PASD1: variants seen among roughly 807,000 people sequenced by gnomAD.
PASD1 encodes the protein circadian clock protein PASD1.
PASD1 carries 13 observed loss-of-function variants against 58.8 expected under a neutral mutation model. The observed-to-expected ratio is 0.22, with a 90% CI of 0.14 to 0.35. The LOEUF is 0.35. PASD1 is among the 10% of genes least tolerant of loss of function. The pLI is 1.00. For synonymous variants in PASD1, 236 were observed against 216.7 expected (o/e 1.09, Z -0.78); for missense variants, 734 against 568.3 (o/e 1.29, Z -2.96).
rs1329713131 is a variant in PASD1, at chrX:151,623,136, G to C, written c.546+72G>C. On this transcript the variant is annotated intron_variant, in intron 7 of 15. Transcript: ENST00000370357. ...TCCTTTGAAGGGTCACTTCCCCTTT[G>C]GTCTGTCAGCCACTGGACAACATTG... 8 of 1,119,723 alleles carry C rather than the reference G, an allele frequency of 7.1e-6. No individual in the cohort carries two copies. The East Asian group carries it at 2.4e-4, about 34-fold the overall frequency. The allele number at this position is 1,119,723 out of a possible 1,213,427, so 92.3% of individuals were successfully genotyped here. A position where few individuals can be genotyped will look rare whatever the true frequency, so the allele number is the denominator to read the frequency against.
chrX:151,654,834 G>T (rs1251519839), intron 9 of PASD1, among the ~76,000 whole-genome samples: 1 of 110,716 alleles, frequency 9.0e-6, no homozygotes, highest in East Asian at 2.9e-4. Flanking sequence ...GTATTTCTTT[G>T]TTTTGATTTT....
chrX:151,600,084 G>A (rs990329686), intron 1 of PASD1, among the ~76,000 whole-genome samples: 9 of 112,259 alleles, frequency 8.0e-5, no homozygotes, highest in South Asian at 3.7e-4. Flanking sequence ...CCAACAAGGC[G>A]AAACCCCGTC....
chrX:151,596,667 C>CCTTGCTGGACTATTTTATTT (rs1222819397), intron 1 of PASD1, among the ~76,000 whole-genome samples: 2 of 112,219 alleles, frequency 1.8e-5, no homozygotes, highest in African/African-American at 6.5e-5. Flanking sequence ...TACACAGCAA[C>CCTTGCTGGACTATTTTATTT]CTTGCTGGAC....
intron 11 of PASD1, among the ~76,000 whole-genome samples, chrX:151,669,487 T>C (rs755998121): frequency 9.0e-6 from 1 of 110,908 alleles, no homozygotes; most frequent in African/African-American, 3.3e-5. Flanking sequence ...TACTAGAACT[T>C]GTTCCTAACG....
intron 8 of PASD1, among the ~76,000 whole-genome samples, chrX:151,628,221 T>TA (rs1196482657): frequency 9.0e-6 from 1 of 111,661 alleles, no homozygotes. Context: ...TAGATCCCAT[T>TA]TGTCAATTTT....
At chrX:151,648,557 T>G in intron 8 of PASD1, 58 bp from the exon 9 acceptor site, 2 of 1,081,715 alleles carry the variant, frequency 1.8e-6, no homozygotes, top group Non-Finnish European at 2.5e-6. Context: ...TGATAGAAAA[T>G]TTTGATTTAA....
Position 151,659,839 on chromosome X carries a change from A to G in PASD1, c.841+3A>G, listed in dbSNP as rs1290022105. The G allele has an allele frequency of 8.3e-7, 1 of 1,201,318 alleles. No homozygotes were observed. Among genetic ancestry groups the G allele is most frequent in the Non-Finnish European group, 1.1e-6 (1 of 889,996 alleles). On this transcript the variant is annotated splice_donor_region_variant and intron_variant, in intron 10 of 15. Transcript: ENST00000370357. ...GGATACTATGCCTGAATCTCCAGGTAGGTACATTTATGCATTTGGATAGGG... is the reference window on the plus strand; with the variant it reads ...GGATACTATGCCTGAATCTCCAGGTGGGTACATTTATGCATTTGGATAGGG...
chrX:151,568,170 T>A (rs1339567001), intron 1 of PASD1, among the ~76,000 whole-genome samples: 1 of 112,627 alleles, frequency 8.9e-6, no homozygotes, highest in Non-Finnish European at 1.9e-5. Context: ...TTAAATTGAC[T>A]TCCAAATGTT....
At chrX:151,599,554 G>A (rs1291099056) in intron 1 of PASD1, among the ~76,000 whole-genome samples, 11 of 110,449 alleles carry the variant, frequency 1.0e-4, no homozygotes, top group South Asian at 3.9e-4. Flanking sequence ...CAGACGGGGC[G>A]GCCGGTCAGA....
chrX:151,564,994 G>C (rs1050094286), intron 1 of PASD1, among the ~76,000 whole-genome samples: 3 of 111,954 alleles, frequency 2.7e-5, no homozygotes, highest in Non-Finnish European at 5.6e-5. Flanking sequence ...ATCTACCCTG[G>C]ATTATGTAAT....
intron 1 of PASD1, among the ~76,000 whole-genome samples, chrX:151,585,753 A>G (rs986681893): frequency 1.8e-5 from 2 of 111,684 alleles, no homozygotes; most frequent in African/African-American, 3.3e-5. Flanking sequence ...ATGCTTGAGT[A>G]TTTTGTCGTA....
chrX:151,645,423 A>G (rs1293425372), intron 8 of PASD1, among the ~76,000 whole-genome samples: 1 of 112,314 alleles, frequency 8.9e-6, no homozygotes. Context: ...TACAGCAAGT[A>G]GAAGTAGATG....
intron 4 of PASD1, among the ~76,000 whole-genome samples, chrX:151,619,590 C>G (rs1330189424): frequency 9.0e-6 from 1 of 111,130 alleles, no homozygotes; most frequent in African/African-American, 3.3e-5. Context: ...TCCTGGAAGT[C>G]AAGTAAATGT....
chrX:151,566,316 C>T (rs1009846985), intron 1 of PASD1, among the ~76,000 whole-genome samples: 1 of 112,491 alleles, frequency 8.9e-6, no homozygotes, highest in Non-Finnish European at 1.9e-5. Flanking sequence ...TCAATTTACC[C>T]TGGGTTAGGG....
chrX:151,574,319 C>T (rs1158302691), intron 1 of PASD1, among the ~76,000 whole-genome samples: 3 of 112,095 alleles, frequency 2.7e-5, no homozygotes, highest in Non-Finnish European at 5.6e-5. Context: ...GAGCTTCTGC[C>T]CTGTGCTGGG....
intron 9 of PASD1, among the ~76,000 whole-genome samples, chrX:151,653,144 AGTG>A (rs960776864): frequency 9.2e-6 from 1 of 108,643 alleles, no homozygotes; most frequent in Non-Finnish European, 1.9e-5. Context: ...AGTTATGAGA[AGTG>A]GTCAGATTCT....
intron 15 of PASD1, 56 bp downstream of exon 15, chrX:151,674,242 C>T (rs1195721343): frequency 1.7e-6 from 2 of 1,184,447 alleles, no homozygotes; most frequent in Non-Finnish European, 2.3e-6. Context: ...GATTCTGGGC[C>T]CCTTCCACAT....
At chrX:151,616,923 G>A (rs1484891329) in intron 4 of PASD1, among the ~76,000 whole-genome samples, 1 of 111,305 alleles carries the variant, frequency 9.0e-6, no homozygotes, top group African/African-American at 3.3e-5. Flanking sequence ...GCCCTATACA[G>A]TTGAATAGTT....
chrX:151,594,289 A>G (rs773675794), intron 1 of PASD1, among the ~76,000 whole-genome samples: 56 of 111,935 alleles, frequency 5.0e-4, no homozygotes, highest in African/African-American at 1.6e-3. Flanking sequence ...TTATATTATT[A>G]TGAGTATGTT....
Sources: gnomAD v4.1 joint callset for allele counts (sites outside exome capture counted in the v4.1 genomes callset) on GRCh38, gnomAD v4.1.1 for gene constraint, MANE v1.5 for transcripts, NCBI Gene and HGNC (gene_info 2026-07-23, HGNC 2026-07-21) for gene names.